Variants in TBX18 observed in about 807,000 individuals in gnomAD.
TBX18 encodes the protein T-box transcription factor 18, also known as T-box transcription factor TBX18.
Under a neutral mutation model 55.0 loss-of-function variants are expected in TBX18, and 21 were observed. The observed-to-expected ratio is 0.38, with a 90% confidence interval of 0.27 to 0.55. TBX18 has a LOEUF of 0.55. TBX18 is among the 20% of genes least tolerant of loss of function. TBX18 has a pLI of 0.73. For missense variants in TBX18, 840 were observed against 799.6 expected, an observed-to-expected ratio of 1.05 and a Z score of -0.61; for synonymous variants, 342 against 326.1, an observed-to-expected ratio of 1.05 and a Z score of -0.53.
intron 2 of TBX18, 28 bp downstream of exon 2, chr6:84,762,516 G>T: frequency 1.2e-6 from 2 of 1,612,502 alleles, no homozygotes; most frequent in Non-Finnish European, 1.7e-6. Flanking sequence ...GGGGTAGGGA[G>T]GGGCGTCCAC....
chr6:84,763,887 C>G lies in TBX18; in HGVS notation c.292+3G>C, dbSNP rs890061674. ...AGTTATAGGCAGGAAGGGGCCCACT[C>G]ACCCGCGGCTCCGCGCTCCAGGTCT... On this transcript the variant is annotated splice_donor_region_variant and intron_variant, in intron 1 of 7. Coordinates refer to ENST00000369663, the MANE Select transcript of TBX18 (RefSeq NM_001080508.3). The G allele has an allele frequency of 3.3e-6, 5 of 1,500,988 alleles. No homozygotes were observed. The African/African-American group carries it at 7.2e-5, about 22-fold the overall frequency. 93.0% of individuals were successfully genotyped at this position (1,500,988 alleles called of 1,614,324 possible).
intron 2 of TBX18, among the ~76,000 whole-genome samples, chr6:84,760,748 G>C (rs1767627114): frequency 6.6e-6 from 1 of 152,130 alleles, no homozygotes; most frequent in Non-Finnish European, 1.5e-5. Flanking sequence ...CTCTGAAAGT[G>C]ATAAAATACA....
In TBX18 at chr6:84,734,208, T is replaced by A; in HGVS notation, c.*2477A>T. 1 of 152,170 alleles carries A rather than the reference T, an allele frequency of 6.6e-6. No individual in the cohort carries two copies. Among genetic ancestry groups the A allele is most frequent in the East Asian group, 1.9e-4 (1 of 5,198 alleles). 9.4% of individuals were successfully genotyped at this position (152,170 alleles called of 1,614,324 possible). A position where few individuals can be genotyped will look rare whatever the true frequency, so the allele number is the denominator to read the frequency against. ...AACAAAACATACCACCCCATCCCTT[T>A]CCTCTCACATTCAAATTTTCATGTG... On this transcript the variant is annotated 3_prime_UTR_variant, in exon 8 of 8. Transcript: ENST00000369663.
At chr6:84,748,892 T>C (rs941306985) in intron 4 of TBX18, among the ~76,000 whole-genome samples, 5 of 152,194 alleles carry the variant, frequency 3.3e-5, no homozygotes, top group African/African-American at 9.6e-5. Context: ...ATGAGTAAAT[T>C]AGTTAGGTGA....
intron 4 of TBX18, among the ~76,000 whole-genome samples, chr6:84,750,444 G>A (rs1044862166): frequency 2.4e-4 from 36 of 152,220 alleles, no homozygotes; most frequent in African/African-American, 8.4e-4. Context: ...TGGATTCTGA[G>A]GTCTATTTAC....
Position 84,740,933 on chromosome 6 carries a change from A to G in TBX18, c.1005-2342T>C, listed in dbSNP as rs998096908. 8 of 152,228 alleles carry G rather than the reference A, an allele frequency of 5.3e-5. No homozygotes were observed. In the East Asian group the frequency reaches 1.3e-3, roughly 26 times the overall value. The allele number at this position is 152,228 out of a possible 1,614,324, so 9.4% of individuals were successfully genotyped here. A position where few individuals can be genotyped will look rare whatever the true frequency, so the allele number is the denominator to read the frequency against. Reference sequence around the variant, plus strand: ...GCAGTGTAAACTTTATTATGATTCAAACACAAATCCATAAACTAAATTCTT... The same window carrying G: ...GCAGTGTAAACTTTATTATGATTCAGACACAAATCCATAAACTAAATTCTT... On this transcript the variant is annotated intron_variant, in intron 6 of 7. Coordinates refer to ENST00000369663, the MANE Select transcript of TBX18 (RefSeq NM_001080508.3).
chr6:84,763,751 T>G, intron 1 of TBX18, 139 bp downstream of exon 1: 1 of 1,411,426 alleles, frequency 7.1e-7, no homozygotes, highest in Non-Finnish European at 9.2e-7. Flanking sequence ...GCGGCGAGCT[T>G]TGCGACTGAC....
rs535559207 is a variant in TBX18, at chr6:84,734,559, C to T, written c.*2126G>A. On this transcript the variant is annotated 3_prime_UTR_variant, in exon 8 of 8. Transcript: ENST00000369663. ...AATAAAAGGCTAGTCTCTGAAGTGA[C>T]GTGGTGATTAATATTTACAGTAAAA... The T allele has an allele frequency of 1.4e-4, 21 of 152,446 alleles. No individual in the cohort carries two copies. The highest frequency in any genetic ancestry group is 7.7e-4 in the East Asian group (4 of 5,180). 9.4% of individuals were successfully genotyped at this position (152,446 alleles called of 1,614,324 possible).
chr6:84,759,416 A>G (rs2127881007), intron 3 of TBX18, among the ~76,000 whole-genome samples: 1 of 152,290 alleles, frequency 6.6e-6, no homozygotes, highest in South Asian at 2.1e-4. Context: ...AAAGAAACGA[A>G]GACAAGCAAA....
chr6:84,751,196 T>G (rs1767339031), intron 4 of TBX18, among the ~76,000 whole-genome samples: 1 of 152,240 alleles, frequency 6.6e-6, no homozygotes, highest in South Asian at 2.1e-4. Context: ...GAGTTGTAAT[T>G]AAAGAAACAA....
rs1773888353 is a variant in TBX18 at position 84,734,519 on chromosome 6, G to A, written c.*2166C>T. The A allele has an allele frequency of 6.6e-6, 1 of 152,448 alleles. No individual in the cohort carries two copies. Among genetic ancestry groups the A allele is most frequent in the Admixed American group, 6.6e-5 (1 of 15,266 alleles). 9.4% of individuals were successfully genotyped at this position (152,448 alleles called of 1,614,324 possible). On this transcript the variant is annotated 3_prime_UTR_variant, in exon 8 of 8. Coordinates refer to ENST00000369663, the MANE Select transcript of TBX18 (RefSeq NM_001080508.3). ...GATATATAATTATCAATGTATGCAT[G>A]TCATTTAATTCAGCAATAAAAGGCT...
chr6:84,760,354 C>A lies in TBX18; in HGVS notation c.500G>T (p.Arg167Leu), dbSNP rs756453864. ...CTTCACTCTCATTGCTGGAAACATG[C>A]GCCTATTTAAAAAGGCGAAGAGAAA... ...TEMIITKAGR[R>L]MFPAMRVKIS... Residue 167 changes from arginine (R) to leucine (L), a missense_variant and splice_region_variant, in exon 3 of 8, where the codon CGC becomes CTC. By Grantham distance (102) the Arg-to-Leu change is moderately radical. Coordinates refer to ENST00000369663, the MANE Select transcript of TBX18 (RefSeq NM_001080508.3). 1.9e-6 allele frequency: 3 copies of A among 1,594,248 alleles called. No individual in the cohort carries two copies. The highest frequency in any genetic ancestry group is 2.6e-6 in the Non-Finnish European group (3 of 1,168,814).
Position 84,737,185 on chromosome 6 carries a change from T to C in TBX18, c.1324A>G (p.Thr442Ala). The part of the protein sequence containing the change: ...TSLAETYNRL[T>A]NQAGETFAPP... ...GCAAAGGTCTCACCAGCCTGGTTGG[T>C]GAGCCTGTTGTAGGTCTCTGCCAAA... The change falls in exon 8 of 8, where the codon ACC (threonine) becomes GCC (alanine). Residue 442 changes from threonine (T) to alanine (A), a missense_variant. Physicochemically the swap from Thr to Ala is moderately conservative, Grantham distance 58. Transcript: ENST00000369663. The C allele has an allele frequency of 1.2e-6, 2 of 1,613,538 alleles. No homozygotes were observed. Among genetic ancestry groups the C allele is most frequent in the Non-Finnish European group, 1.7e-6 (2 of 1,179,706 alleles).
intron 4 of TBX18, among the ~76,000 whole-genome samples, chr6:84,748,314 G>A (rs1037936706): frequency 6.6e-6 from 1 of 152,124 alleles, no homozygotes; most frequent in Non-Finnish European, 1.5e-5. Flanking sequence ...GTGAAACCCT[G>A]TGTACAACCA....
At position 84,764,029 on chromosome 6, in the gene TBX18, G is replaced by T. The variant is rs764286792; in HGVS notation, c.153C>A (p.Asp51Glu). Reference protein sequence around the residue: ...LGAEEAAGAVDDGGCSRGGGA... With the variant: ...LGAEEAAGAVEDGGCSRGGGA... ...CGCCGCCGCGGCTGCAGCCTCCGTC[G>T]TCCACGGCCCCCGCCGCCTCTTCGG... The change falls in exon 1 of 8, where the codon GAC (aspartate) becomes GAA (glutamate). Residue 51 changes from aspartate to glutamate, a missense_variant. Asp to Glu is a conservative substitution (Grantham distance 45). Coordinates refer to ENST00000369663, the MANE Select transcript of TBX18 (RefSeq NM_001080508.3). The T allele has an allele frequency of 3.9e-6, 6 of 1,555,410 alleles. No homozygotes were observed. In the African/African-American group the frequency reaches 6.8e-5, roughly 18 times the overall value.
chr6:84,736,372 T>C lies in TBX18; in HGVS notation c.*313A>G. On this transcript the variant is annotated 3_prime_UTR_variant, in exon 8 of 8. Transcript: ENST00000369663. ...TAGTATAATTGCCAAGTTTTAAGTT[T>C]ACCATCTTGTTTTTAAAAGAGTCTG... 5.1e-6 allele frequency: 1 copy of C among 194,880 alleles called. No individual in the cohort carries two copies. The allele number at this position is 194,880 out of a possible 1,614,324, so 12.1% of individuals were successfully genotyped here. A position where few individuals can be genotyped will look rare whatever the true frequency, so the allele number is the denominator to read the frequency against.
rs1196480933 is a variant in TBX18 at position 84,733,830 on chromosome 6, A to C, written c.*2855T>G. The C allele has an allele frequency of 1.3e-5, 2 of 152,188 alleles. No homozygotes were observed. The highest frequency in any genetic ancestry group is 4.8e-5 in the African/African-American group (2 of 41,452). 9.4% of individuals were successfully genotyped at this position (152,188 alleles called of 1,614,324 possible). A position where few individuals can be genotyped will look rare whatever the true frequency, so the allele number is the denominator to read the frequency against. ...TTTAAAAGTGAGATTCTTTTTCCTC[A>C]AAATTTTGCTAATTGATGTAAAGAG... On this transcript the variant is annotated 3_prime_UTR_variant, in exon 8 of 8. Coordinates refer to ENST00000369663, the MANE Select transcript of TBX18 (RefSeq NM_001080508.3).
Position 84,736,962 on chromosome 6 carries a change from C to T in TBX18, c.1547G>A (p.Gly516Asp). The change falls in exon 8 of 8, where the codon GGT becomes GAT. Residue 516 changes from glycine (G) to aspartate (D), a missense_variant. Physicochemically the swap from Gly to Asp is moderately conservative, Grantham distance 94. Transcript: ENST00000369663. ...NAFATNQTHQGSYNTFRLHSP... is the reference protein window; with the variant it reads ...NAFATNQTHQDSYNTFRLHSP... ...GTGTAATCTAAAAGTATTATAGGAA[C>T]CCTGATGGGTCTGGTTAGTGGCGAA... 1.2e-6 allele frequency: 2 copies of T among 1,609,028 alleles called. No individual in the cohort carries two copies. Among genetic ancestry groups the T allele is most frequent in the Non-Finnish European group, 1.7e-6 (2 of 1,177,008 alleles).
At chr6:84,760,511 T>C (rs1365341026) in intron 2 of TBX18, among the ~76,000 whole-genome samples, 155 bp from the exon 3 acceptor site, 3 of 152,214 alleles carry the variant, frequency 2.0e-5, no homozygotes, top group African/African-American at 7.2e-5. Context: ...AGTCAGGACA[T>C]AGAACATATC....
Sources: gnomAD v4.1 joint callset for allele counts (sites outside exome capture counted in the v4.1 genomes callset) on GRCh38, gnomAD v4.1.1 for gene constraint, MANE v1.5 for transcripts, NCBI Gene and HGNC (gene_info 2026-07-23, HGNC 2026-07-21) for gene names.